Variants in PRKN observed in about 807,000 individuals in gnomAD.
PRKN encodes E3 ubiquitin-protein ligase parkin.
In PRKN, 56 loss-of-function variants were observed where a neutral mutation model predicts 59.5. The ratio of observed to expected loss-of-function variants is 0.94; its 90% confidence interval spans 0.76 to 1.18. PRKN has a LOEUF of 1.18. PRKN is among the 50% of genes most tolerant of loss of function. The pLI is 0.00. For synonymous variants in PRKN, 250 were observed against 222.1 expected (o/e 1.13, Z -1.12); for missense variants, 657 against 596.4 (o/e 1.10, Z -1.06).
At chr6:161,438,765 TC>T (rs754206410) in intron 9 of PRKN, among the ~76,000 whole-genome samples, 4 of 152,196 alleles carry the variant, frequency 2.6e-5, no homozygotes, top group Admixed American at 6.5e-5. Flanking sequence ...CGGGTGATCA[TC>T]CCGCATGTAG....
chr6:161,583,211 T>C (rs1056506515), intron 7 of PRKN, among the ~76,000 whole-genome samples: 2 of 152,214 alleles, frequency 1.3e-5, no homozygotes, highest in African/African-American at 4.8e-5. Context: ...ATAGGTTATA[T>C]ATAGTTCCTT....
At chr6:162,168,388 A>G (rs1783088530) in intron 4 of PRKN, among the ~76,000 whole-genome samples, 1 of 151,896 alleles carries the variant, frequency 6.6e-6, no homozygotes, top group Non-Finnish European at 1.5e-5. Flanking sequence ...GTGGCCCCTA[A>G]CTAGTAATTA....
chr6:161,951,171 G>A (rs80043379), intron 6 of PRKN, among the ~76,000 whole-genome samples: 7,923 of 151,764 alleles, frequency 0.052, 602 homozygotes, highest in African/African-American at 0.17. Flanking sequence ...TTAGCTTGAA[G>A]GAAATTTAAG....
chr6:161,800,227 G>T (rs1233487621), intron 6 of PRKN, among the ~76,000 whole-genome samples: 1 of 152,122 alleles, frequency 6.6e-6, no homozygotes, highest in African/African-American at 2.4e-5. Flanking sequence ...GCAGTGGAGA[G>T]GGAGAGGCAA....
intron 3 of PRKN, among the ~76,000 whole-genome samples, chr6:162,203,229 T>C (rs1488016503): frequency 6.6e-6 from 1 of 152,194 alleles, no homozygotes; most frequent in Non-Finnish European, 1.5e-5. Context: ...CACCTCCGAA[T>C]GCTACTACCT....
chr6:162,666,759 ATAAT>A (rs773328953), intron 1 of PRKN, among the ~76,000 whole-genome samples: 15 of 152,236 alleles, frequency 9.9e-5, no homozygotes, highest in Non-Finnish European at 1.6e-4. Flanking sequence ...CTTCAGGAAA[ATAAT>A]TAATACAATG....
At chr6:161,435,863 C>G (rs1428635421) in intron 9 of PRKN, among the ~76,000 whole-genome samples, 2 of 115,124 alleles carry the variant, frequency 1.7e-5, no homozygotes, top group Non-Finnish European at 3.5e-5. Context: ...TCCTCAAGGA[C>G]TGCCTGGGAG....
intron 2 of PRKN, among the ~76,000 whole-genome samples, chr6:162,361,761 T>C (rs1293584076): frequency 6.6e-6 from 1 of 152,174 alleles, no homozygotes; most frequent in East Asian, 1.9e-4. Flanking sequence ...GTTTTTCCAC[T>C]AAAGGAATTA....
Position 161,451,151 on chromosome 6 carries a change from TAGGTCCC to T in PRKN, c.1084-64281_1084-64275del, listed in dbSNP as rs1789724938. On this transcript the variant is annotated intron_variant, in intron 9 of 11. Coordinates refer to ENST00000366898, the MANE Select transcript of PRKN (RefSeq NM_004562.3). This position sits in a 1 kb window ranked among gnomAD's most constrained non-coding sequence, Gnocchi z 5.9. ...TGACGTGTTTCCATGTTATTTCTCT[TAGGTCCC>T]AGCACCGCAGAAAATCATCTTGAAC... Among the ~76,000 whole-genome samples the T allele has an allele frequency of 6.6e-6, 1 of 152,156 alleles. No homozygotes were observed. Among genetic ancestry groups the T allele is most frequent in the South Asian group, 2.1e-4 (1 of 4,832 alleles).
At chr6:162,424,343 G>C (rs572785494) in intron 2 of PRKN, among the ~76,000 whole-genome samples, 9 of 152,222 alleles carry the variant, frequency 5.9e-5, no homozygotes, top group African/African-American at 1.9e-4. Flanking sequence ...CTAAACATTT[G>C]TCCAGGCCCT....
intron 7 of PRKN, among the ~76,000 whole-genome samples, chr6:161,739,244 C>T (rs981451608): frequency 1.3e-5 from 2 of 151,918 alleles, no homozygotes; most frequent in African/African-American, 4.8e-5. Flanking sequence ...CCCATCTCTA[C>T]CAAAAACATA....
At chr6:161,781,597 G>A (rs1790208400) in intron 7 of PRKN, among the ~76,000 whole-genome samples, 1 of 152,046 alleles carries the variant, frequency 6.6e-6, no homozygotes, top group African/African-American at 2.4e-5. Flanking sequence ...TAGTTATCTC[G>A]TGGCAAAGAA....
intron 1 of PRKN, among the ~76,000 whole-genome samples, chr6:162,620,765 G>A (rs1782631671): frequency 2.6e-5 from 4 of 151,770 alleles, no homozygotes; most frequent in Admixed American, 2.0e-4. Flanking sequence ...TGTTGTTCAG[G>A]CTGGCCTCCA....
chr6:162,170,431 T>A (rs1421296763), intron 4 of PRKN, among the ~76,000 whole-genome samples: 3 of 152,134 alleles, frequency 2.0e-5, no homozygotes, highest in African/African-American at 7.2e-5. Flanking sequence ...AATTTGAACA[T>A]TATCCCTCTC....
chr6:162,058,428 C>G (rs1201149178), intron 4 of PRKN, among the ~76,000 whole-genome samples: 1 of 152,198 alleles, frequency 6.6e-6, no homozygotes, highest in Non-Finnish European at 1.5e-5. Flanking sequence ...GATCTCTGGC[C>G]AGATGCCTGT....
intron 6 of PRKN, among the ~76,000 whole-genome samples, chr6:161,811,903 C>A (rs1791579042): frequency 6.6e-6 from 1 of 150,840 alleles, no homozygotes; most frequent in Admixed American, 6.6e-5. Context: ...GCCTGGGTGA[C>A]AGAGCAAGAC....
chr6:161,490,588 T>C (rs1421116680), intron 9 of PRKN, among the ~76,000 whole-genome samples: 1 of 151,872 alleles, frequency 6.6e-6, no homozygotes, highest in Admixed American at 6.6e-5. Flanking sequence ...ATGGGGTTTC[T>C]TCATGTTGGC....
At chr6:161,876,974 C>A (rs1156906491) in intron 6 of PRKN, among the ~76,000 whole-genome samples, 5 of 152,184 alleles carry the variant, frequency 3.3e-5, no homozygotes, top group Middle Eastern at 3.4e-3. Flanking sequence ...ATTCATACTT[C>A]TTGACTAGAA....
At chr6:162,695,421 A>G (rs1777932187) in intron 1 of PRKN, among the ~76,000 whole-genome samples, 1 of 152,204 alleles carries the variant, frequency 6.6e-6, no homozygotes, top group African/African-American at 2.4e-5. Context: ...TATTATTCCT[A>G]CTAAAATATT....
Sources: allele counts gnomAD v4.1 joint callset (sites outside exome capture counted in the v4.1 genomes callset), GRCh38; gene constraint gnomAD v4.1.1; non-coding constraint Gnocchi (gnomAD v3.1); transcripts MANE v1.5; gene names NCBI Gene and HGNC (gene_info 2026-07-23, HGNC 2026-07-21).